Variants in FOXN3 observed in about 807,000 individuals in gnomAD.
FOXN3 encodes the protein forkhead box protein N3.
FOXN3 carries 7 observed loss-of-function variants against 38.4 expected under a neutral mutation model. That is an observed-to-expected ratio of 0.18 (90% CI 0.10 to 0.34). The LOEUF is 0.34. Ranked by LOEUF, FOXN3 falls within the 10% of genes least tolerant of loss-of-function variation. The pLI, the probability that FOXN3 is intolerant of heterozygous loss-of-function variation, is 1.00. For missense variants in FOXN3, 456 were observed against 613.4 expected, an observed-to-expected ratio of 0.74 and a Z score of 2.71; for synonymous variants, 230 against 242.2, an observed-to-expected ratio of 0.95 and a Z score of 0.47.
chr14:89,394,059 G>A (rs1314177357), intron 2 of FOXN3, among the ~76,000 whole-genome samples: 1 of 152,028 alleles, frequency 6.6e-6, no homozygotes, highest in Non-Finnish European at 1.5e-5. Flanking sequence ...AGGGGAGTGG[G>A]AGAGAGAGAA....
intron 2 of FOXN3, among the ~76,000 whole-genome samples, chr14:89,410,225 G>A (rs961493928): frequency 9.2e-5 from 14 of 151,942 alleles, no homozygotes; most frequent in African/African-American, 3.1e-4. Flanking sequence ...CCAAAGACAA[G>A]GAGAATATTC....
At chr14:89,260,381 C>T (rs1008302394) in intron 4 of FOXN3, among the ~76,000 whole-genome samples, 7 of 152,258 alleles carry the variant, frequency 4.6e-5, no homozygotes, top group Non-Finnish European at 5.9e-5. Context: ...CCGACCACTG[C>T]GGCAGCCTGC....
chr14:89,228,987 C>T (rs4904518), intron 4 of FOXN3, among the ~76,000 whole-genome samples: 114,223 of 152,030 alleles, frequency 0.75, 42,933 homozygotes, highest in Middle Eastern at 0.77. Flanking sequence ...GCTGTAAAAA[C>T]GGGCTGTTTT....
At chr14:89,199,364 T>A (rs968750860) in intron 4 of FOXN3, among the ~76,000 whole-genome samples, 3 of 152,132 alleles carry the variant, frequency 2.0e-5, no homozygotes, top group Non-Finnish European at 2.9e-5. Flanking sequence ...GACACCAAGT[T>A]GTGATTTTAC....
intron 1 of FOXN3, among the ~76,000 whole-genome samples, chr14:89,591,270 T>C (rs549665652): frequency 1.3e-5 from 2 of 152,288 alleles, no homozygotes; most frequent in East Asian, 3.9e-4. Flanking sequence ...GACATCAGAC[T>C]GAAAAGCAGA....
At chr14:89,416,842 G>A (rs966423960) in intron 1 of FOXN3, 29 bp downstream of exon 1, 1 of 151,968 alleles carries the variant, frequency 6.6e-6, no homozygotes, top group Non-Finnish European at 1.5e-5. Context: ...GCCCACGCGG[G>A]AGCCGGCAGG....
At chr14:89,500,732 G>A (rs957660462) in intron 1 of FOXN3, among the ~76,000 whole-genome samples, 6 of 152,314 alleles carry the variant, frequency 3.9e-5, no homozygotes, top group South Asian at 4.1e-4. Flanking sequence ...TGGCCCTGCC[G>A]GCTGGTGAGA....
chr14:89,333,755 A>T (rs1364686552), intron 3 of FOXN3, among the ~76,000 whole-genome samples: 179 of 100,882 alleles, frequency 1.8e-3, no homozygotes, highest in Non-Finnish European at 3.5e-3. Context: ...CTATTAAAAA[A>T]AAAAAAAAAA....
chr14:89,599,622 T>C lies in FOXN3; in HGVS notation c.-15+19406A>G, dbSNP rs541769709. Reference sequence around the variant, plus strand: ...TGATGTGTCTATTATTTCTACTGACTGACAGATATAGTACATGAAAAACTA... The same window carrying C: ...TGATGTGTCTATTATTTCTACTGACCGACAGATATAGTACATGAAAAACTA... On this transcript the variant is annotated intron_variant, in intron 1 of 6. Transcript: ENST00000345097. 6.6e-5 allele frequency among the ~76,000 whole-genome samples: 10 copies of C among 152,296 alleles called. No individual in the cohort carries two copies. The East Asian group carries it at 1.9e-3, about 29-fold the overall frequency.
At chr14:89,439,751 G>C (rs1892340386) in intron 1 of FOXN3, among the ~76,000 whole-genome samples, 1 of 151,028 alleles carries the variant, frequency 6.6e-6, no homozygotes, top group Admixed American at 6.6e-5. Flanking sequence ...TGCCTCCCAG[G>C]TTCACGCCAT....
chr14:89,565,250 T>C (rs999921691), intron 1 of FOXN3, among the ~76,000 whole-genome samples: 1 of 152,038 alleles, frequency 6.6e-6, no homozygotes, highest in Non-Finnish European at 1.5e-5. Context: ...GAGAAGGGCA[T>C]GGAACAGATC....
chr14:89,247,059 G>GATCC (rs952240178), intron 4 of FOXN3, among the ~76,000 whole-genome samples: 2 of 151,500 alleles, frequency 1.3e-5, no homozygotes, highest in Non-Finnish European at 2.9e-5. Context: ...TCAGTCTGTT[G>GATCC]ATCCATCCAT....
At chr14:89,243,236 G>T (rs1412793543) in intron 4 of FOXN3, among the ~76,000 whole-genome samples, 2 of 152,190 alleles carry the variant, frequency 1.3e-5, no homozygotes, top group Non-Finnish European at 2.9e-5. Context: ...AAGCCTACTT[G>T]CCAGATCAAA....
At chr14:89,343,668 T>C (rs1296085210) in intron 3 of FOXN3, among the ~76,000 whole-genome samples, 3 of 142,664 alleles carry the variant, frequency 2.1e-5, no homozygotes, top group African/African-American at 7.8e-5. Context: ...TAAATTCCTC[T>C]GAGGAAGCAA....
chr14:89,412,670 T>G lies in FOXN3; in HGVS notation c.-14-180A>C, dbSNP rs1179768153. Among the ~76,000 whole-genome samples the G allele has an allele frequency of 2.0e-5, 3 of 152,048 alleles. No individual in the cohort carries two copies. Among genetic ancestry groups the G allele is most frequent in the African/African-American group, 4.8e-5 (2 of 41,460 alleles). On this transcript the variant is annotated intron_variant, in intron 1 of 5. Coordinates refer to ENST00000557258, the MANE Select transcript of FOXN3 (RefSeq NM_005197.4). This position sits in a 1 kb window ranked among gnomAD's most constrained non-coding sequence, Gnocchi z 4.7. ...ATCCCACAATTCCACCACAGAGAGA[T>G]AGGCTGATGAGAAAAATCAGCCCGC...
At chr14:89,335,891 G>T (rs1888438067) in intron 3 of FOXN3, among the ~76,000 whole-genome samples, 1 of 152,054 alleles carries the variant, frequency 6.6e-6, no homozygotes, top group Non-Finnish European at 1.5e-5. Flanking sequence ...TATAAGAAAT[G>T]ATTAGAAAGA....
At chr14:89,328,638 C>A (rs1888148218) in intron 3 of FOXN3, among the ~76,000 whole-genome samples, 1 of 152,254 alleles carries the variant, frequency 6.6e-6, no homozygotes, top group Non-Finnish European at 1.5e-5. Flanking sequence ...AAGAGACATT[C>A]CCACCAGCAG....
intron 1 of FOXN3, among the ~76,000 whole-genome samples, chr14:89,436,830 T>G (rs1892284734): frequency 6.6e-6 from 1 of 152,200 alleles, no homozygotes; most frequent in Non-Finnish European, 1.5e-5. Context: ...AAGTACCAAA[T>G]TATACATTAT....
At chr14:89,351,003 G>A in intron 2 of FOXN3, 195 bp from the exon 3 acceptor site, 2 of 390,004 alleles carry the variant, frequency 5.1e-6, no homozygotes, top group Non-Finnish European at 4.5e-6. Context: ...ATGTTTGATA[G>A]GCAAAATGAA....
Sources: gnomAD v4.1 joint callset for allele counts (sites outside exome capture counted in the v4.1 genomes callset) on GRCh38, gnomAD v4.1.1 for gene constraint, Gnocchi (gnomAD v3.1) non-coding constraint, MANE v1.5 for transcripts, NCBI Gene and HGNC (gene_info 2026-07-23, HGNC 2026-07-21) for gene names.